The following MEN1 variants were observed in gnomAD, a reference collection of about 807,000 sequenced individuals.
MEN1 encodes menin.
A neutral mutation model predicts 58.0 loss-of-function variants in MEN1; 6 were observed. That is an observed-to-expected ratio of 0.10 (90% confidence interval 0.06 to 0.20). The LOEUF is 0.20. Ranked by LOEUF, MEN1 falls within the 10% of genes least tolerant of loss-of-function variation. The pLI is 1.00. For missense variants in MEN1, 492 were observed against 818.5 expected (o/e 0.60, Z 4.87); for synonymous variants, 346 against 350.7 (o/e 0.99, Z 0.15).
Position 64,807,606 on chromosome 11 carries a change from G to A in MEN1, c.729C>T (p.Ile243=), listed in dbSNP as rs1353237754. 3.1e-6 allele frequency: 5 copies of A among 1,614,026 alleles called. No homozygotes were observed. Among genetic ancestry groups the A allele is most frequent in the Non-Finnish European group, 4.2e-6 (5 of 1,180,012 alleles). Residue 243 remains isoleucine (I), a synonymous_variant, in exon 4 of 10, where the codon ATC becomes ATT. Coordinates refer to ENST00000450708, the MANE Select transcript of MEN1 (RefSeq NM_001370259.2). This position sits in a 1 kb window ranked among gnomAD's most constrained non-coding sequence, Gnocchi z 4.9. ...CGGTGTGCAGGTCAATGGAAGGGTT[G>A]ATGGCACACACCATGAACGCCACCT... is the stretch of plus-strand genomic sequence containing the variant. ...KMEVAFMVCA[I]NPSIDLHTDS... is the part of the protein sequence containing the mutation.
At chr11:64,810,591 G>C (rs1323302256), upstream of MEN1, 2 of 158,924 alleles carry the variant, frequency 1.3e-5, no homozygotes, top group Admixed American at 6.1e-5. Flanking sequence ...CCCGCCCCTA[G>C]GGTCGCACTA....
rs755558599 is a variant in MEN1 at position 64,807,151 on chromosome 11, C to T, written c.824+28G>A. On this transcript the variant is annotated intron_variant, in intron 5 of 9. Coordinates refer to ENST00000450708, the MANE Select transcript of MEN1 (RefSeq NM_001370259.2). This position sits in a 1 kb window ranked among gnomAD's most constrained non-coding sequence, Gnocchi z 4.9. The stretch of plus-strand genomic sequence containing the variant: ...CACCCAGCCCCCCGGCCTCACCAGG[C>T]GCAGCCTGGCCACTTCCCTCTACTG... The T allele has an allele frequency of 6.2e-6, 10 of 1,613,944 alleles. No individual in the cohort carries two copies. The highest frequency in any genetic ancestry group is 3.3e-5 in the South Asian group (3 of 91,042).
chr11:64,808,238 C>G (rs1941884732), intron 2 of MEN1, 139 bp from the exon 3 acceptor site: 1 of 756,116 alleles, frequency 1.3e-6, no homozygotes, highest in Non-Finnish European at 2.2e-6. Context: ...GCCCACTATC[C>G]CTCCATCCCT....
rs1060499991 is a variant in MEN1, at chr11:64,804,755, C to G, written c.1412G>C (p.Trp471Ser). 6.3e-7 allele frequency: 1 copy of G among 1,597,164 alleles called. No homozygotes were observed. Among genetic ancestry groups the G allele is most frequent in the Non-Finnish European group, 8.5e-7 (1 of 1,178,860 alleles). Residue 471 changes from tryptophan to serine, a missense_variant, in exon 10 of 10, where the codon TGG (tryptophan) becomes TCG (serine). Trp to Ser is a radical substitution (Grantham distance 177). Around this residue, in one of 5 missense-constraint regions of MEN1, gnomAD observed 45 missense variants for 66.9 expected, o/e 0.67. Coordinates refer to ENST00000450708, the MANE Select transcript of MEN1 (RefSeq NM_001370259.2). This position sits in a 1 kb window ranked among gnomAD's most constrained non-coding sequence, Gnocchi z 4.2. ...CCGGCCTTCCCGGGCTTCCTCGCCCCACGGCTCCTCGGCCTCGGCCGCCTC... is the reference window on the plus strand; with the variant it reads ...CCGGCCTTCCCGGGCTTCCTCGCCCGACGGCTCCTCGGCCTCGGCCGCCTC... ...EAEAAEAEEP[W>S]GEEAREGRRR...
intron 1 of MEN1, 139 bp downstream of exon 1, chr11:64,810,375 C>T: frequency 5.6e-6 from 3 of 536,278 alleles, no homozygotes; most frequent in Non-Finnish European, 1.0e-5. Flanking sequence ...CCCCAAGCAC[C>T]CCAATGAGGA....
upstream of MEN1, chr11:64,810,885 A>T (rs1565654853): frequency 6.6e-6 from 1 of 152,246 alleles, no homozygotes; most frequent in Non-Finnish European, 1.5e-5. Flanking sequence ...TCGGCAAGTT[A>T]TGAGGAAAAA....
Position 64,804,659 on chromosome 11 carries a change from C to G in MEN1, c.1508G>C (p.Gly503Ala). 6.3e-7 allele frequency: 1 copy of G among 1,599,396 alleles called. No individual in the cohort carries two copies. Among genetic ancestry groups the G allele is most frequent in the Middle Eastern group, 1.8e-4 (1 of 5,696 alleles). Residue 503 changes from glycine (G) to alanine (A), a missense_variant, in exon 10 of 10, where the codon GGC becomes GCC. Gly to Ala is a moderately conservative substitution (Grantham distance 60). Coordinates refer to ENST00000450708, the MANE Select transcript of MEN1 (RefSeq NM_001370259.2). This position sits in a 1 kb window ranked among gnomAD's most constrained non-coding sequence, Gnocchi z 4.2. ...CACTGCACCCTGGCCGGTGCCCAGG[C>G]CCTTGTCCAGTGCTGGCTTCTTGGG... is the stretch of plus-strand genomic sequence containing the variant. ...PPPKKPALDK[G>A]LGTGQGAVSG...
At position 64,807,523 on chromosome 11, in the gene MEN1, C is replaced by G. The variant is rs771934987; in HGVS notation, c.783+29G>C. ...ACAGCAAGTCAAGTCTGGCCTAGCC[C>G]AGTCCTGCCCCATTGGCTCAGCCCT... On this transcript the variant is annotated intron_variant, in intron 4 of 9. Coordinates refer to ENST00000450708, the MANE Select transcript of MEN1 (RefSeq NM_001370259.2). The surrounding 1 kb of genome is among the most constrained non-coding windows in gnomAD (Gnocchi z 4.9). 1.3e-5 allele frequency: 21 copies of G among 1,613,460 alleles called. No individual in the cohort carries two copies. Among genetic ancestry groups the G allele is most frequent in the Non-Finnish European group, 1.8e-5 (21 of 1,179,580 alleles).
chr11:64,808,869 G>A (rs1416526019), intron 2 of MEN1, among the ~76,000 whole-genome samples: 2 of 151,604 alleles, frequency 1.3e-5, no homozygotes. Context: ...GCAGGAGAAT[G>A]GCATGAAAGC....
Position 64,805,202 on chromosome 11 carries a change from G to A in MEN1, c.1186-4C>T. 6.2e-7 allele frequency: 1 copy of A among 1,613,146 alleles called. No individual in the cohort carries two copies. The highest frequency in any genetic ancestry group is 8.5e-7 in the Non-Finnish European group (1 of 1,179,924). On this transcript the variant is annotated splice_region_variant and splice_polypyrimidine_tract_variant and intron_variant, in intron 8 of 9. Transcript: ENST00000450708. ...CGGAACCTTGGCTCTGGGTGCCCTGGACGAGGGGGAAGGGAGGGCACAGAT... is the reference window on the plus strand; with the variant it reads ...CGGAACCTTGGCTCTGGGTGCCCTGAACGAGGGGGAAGGGAGGGCACAGAT...
In MEN1 at chr11:64,805,341, C is replaced by T. The variant is rs866898067; in HGVS notation, c.1186-143G>A. The stretch of plus-strand genomic sequence containing the variant: ...TTGGGAACATTCTTAGAACCTCTTT[C>T]CTTTTATAAAGCCAATCCATAGCCA... On this transcript the variant is annotated intron_variant, in intron 8 of 9. Coordinates refer to ENST00000450708, the MANE Select transcript of MEN1 (RefSeq NM_001370259.2). 9.8e-6 allele frequency: 10 copies of T among 1,022,364 alleles called. No individual in the cohort carries two copies. The East Asian group carries it at 2.3e-4, about 24-fold the overall frequency. 63.3% of individuals were successfully genotyped at this position (1,022,364 alleles called of 1,614,324 possible).
In MEN1 at chr11:64,807,782, T is replaced by C. The variant is rs1027785970; in HGVS notation, c.655-102A>G. On this transcript the variant is annotated intron_variant, in intron 3 of 9. Transcript: ENST00000450708. This position sits in a 1 kb window ranked among gnomAD's most constrained non-coding sequence, Gnocchi z 4.9. ...GGGGCTCTTCTGTCTTCCCTTCCTA[T>C]GTGGGTGGTGATGGGAAGAAAGGGG... 6 of 1,606,682 alleles carry C rather than the reference T, an allele frequency of 3.7e-6. No homozygotes were observed. In the East Asian group the frequency reaches 8.9e-5, roughly 24 times the overall value.
At position 64,804,850 on chromosome 11, in the gene MEN1, G is replaced by C; in HGVS notation, c.1351-34C>G. 1 of 1,595,744 alleles carries C rather than the reference G, an allele frequency of 6.3e-7. No individual in the cohort carries two copies. The highest frequency in any genetic ancestry group is 8.5e-7 in the Non-Finnish European group (1 of 1,178,126). ...GTGGGGAGAGCAAGGTGAGAGCAAGGTTGCCGGCCAGTGGCTGGAACTCCA... is the reference window on the plus strand; with the variant it reads ...GTGGGGAGAGCAAGGTGAGAGCAAGCTTGCCGGCCAGTGGCTGGAACTCCA... On this transcript the variant is annotated intron_variant, in intron 9 of 9. Coordinates refer to ENST00000450708, the MANE Select transcript of MEN1 (RefSeq NM_001370259.2). This position sits in a 1 kb window ranked among gnomAD's most constrained non-coding sequence, Gnocchi z 4.2.
At position 64,806,282 on chromosome 11, in the gene MEN1, A is replaced by G. The variant is rs763133775; in HGVS notation, c.999T>C (p.Asn333=). ...YLAGYHCRNR[N]VREALQAWAD... The stretch of plus-strand genomic sequence containing the variant: ...CCCAGGCCTGCAGGGCTTCCCGCAC[A>G]TTGCGGTTGCGACAGTGGTAGCCAG... Residue 333 remains asparagine, a synonymous_variant, in exon 7 of 10, where the codon AAT becomes AAC. Transcript: ENST00000450708. The G allele has an allele frequency of 5.3e-5, 86 of 1,614,070 alleles. No homozygotes were observed. The highest frequency in any genetic ancestry group is 6.7e-5 in the Non-Finnish European group (79 of 1,180,014).
intron 1 of MEN1, 44 bp from the exon 2 acceptor site, chr11:64,810,176 G>A: frequency 2.4e-6 from 3 of 1,232,218 alleles, no homozygotes; most frequent in South Asian, 2.9e-5. Flanking sequence ...AGGTTCGGCC[G>A]GGGAGCCTCC....
At position 64,804,865 on chromosome 11, in the gene MEN1, C is replaced by T; in HGVS notation, c.1351-49G>A. 1.9e-6 allele frequency: 3 copies of T among 1,595,276 alleles called. No individual in the cohort carries two copies. Among genetic ancestry groups the T allele is most frequent in the Non-Finnish European group, 2.5e-6 (3 of 1,177,836 alleles). On this transcript the variant is annotated intron_variant, in intron 9 of 9. Coordinates refer to ENST00000450708, the MANE Select transcript of MEN1 (RefSeq NM_001370259.2). This position sits in a 1 kb window ranked among gnomAD's most constrained non-coding sequence, Gnocchi z 4.2. ...TGAGAGCAAGGTTGCCGGCCAGTGG[C>T]TGGAACTCCAGGACCCTGCTCTGGC... is the stretch of plus-strand genomic sequence containing the variant.
chr11:64,810,191 A>G (rs1386230414), intron 1 of MEN1, 59 bp from the exon 2 acceptor site: 3 of 1,137,748 alleles, frequency 2.6e-6, no homozygotes, highest in Non-Finnish European at 3.7e-6. Context: ...GCCTCCTCCC[A>G]GGGTCCGCTA....
chr11:64,809,625 A>G, intron 2 of MEN1, 40 bp downstream of exon 2: 5 of 1,610,868 alleles, frequency 3.1e-6, no homozygotes, highest in Non-Finnish European at 4.2e-6. Flanking sequence ...GTTTTGAAGA[A>G]GTGGGTCATG....
At chr11:64,810,909 G>C (rs1225259311), upstream of MEN1, 24 of 152,168 alleles carry the variant, frequency 1.6e-4, no homozygotes, top group Admixed American at 1.5e-3. Context: ...CAGGTTGCTT[G>C]ATCCAGAAAA....
Sources: allele counts gnomAD v4.1 joint callset (sites outside exome capture counted in the v4.1 genomes callset), GRCh38; gene constraint gnomAD v4.1.1; regional missense constraint gnomAD v4.1.1; non-coding constraint Gnocchi (gnomAD v3.1); transcripts MANE v1.5; gene names NCBI Gene and HGNC (gene_info 2026-07-23, HGNC 2026-07-21).